MGAM2: variants seen among roughly 807,000 people sequenced by gnomAD.
MGAM2 encodes the protein maltase-glucoamylase 2 (putative), also known as probable maltase-glucoamylase 2.
In MGAM2, 98 loss-of-function variants were observed where a neutral mutation model predicts 96.1. That is an observed-to-expected ratio of 1.02 (90% CI 0.87 to 1.21). The LOEUF is 1.21. Among genes scored for constraint, MGAM2 ranks in the 50% most tolerant of loss-of-function variants. The pLI, the probability that MGAM2 is intolerant of heterozygous loss-of-function variation, is 0.00. For synonymous variants in MGAM2, 749 were observed against 414.8 expected, an observed-to-expected ratio of 1.81 and a Z score of -9.79; for missense variants, 2,055 against 1,182.4, an observed-to-expected ratio of 1.74 and a Z score of -10.82.
intron 35 of MGAM2, among the ~76,000 whole-genome samples, chr7:142,186,949 T>C (rs1215628251): frequency 7.7e-6 from 1 of 130,388 alleles, no homozygotes; most frequent in Non-Finnish European, 1.6e-5. Context: ...CTGATAGCTC[T>C]GGGGTAGTAT....
intron 37 of MGAM2, 29 bp from the exon 38 acceptor site, chr7:142,196,125 A>C (rs1386832558): frequency 1.1e-6 from 1 of 889,754 alleles, no homozygotes; most frequent in African/African-American, 1.7e-5. Flanking sequence ...TTGTTTCTTC[A>C]ACTCACCTCT....
intron 12 of MGAM2, among the ~76,000 whole-genome samples, chr7:142,141,689 G>A (rs775149557): frequency 3.3e-5 from 5 of 151,776 alleles, no homozygotes; most frequent in Non-Finnish European, 7.4e-5. Flanking sequence ...TAGTAGAGAC[G>A]GGGTTTCTCC....
chr7:142,119,622 A>G (rs771843470), intron 2 of MGAM2, among the ~76,000 whole-genome samples: 4 of 152,246 alleles, frequency 2.6e-5, no homozygotes, highest in Admixed American at 1.3e-4. Flanking sequence ...AGGATTATGT[A>G]TAATGGTCAA....
At chr7:142,124,692 G>A (rs1794688752) in intron 3 of MGAM2, among the ~76,000 whole-genome samples, 1 of 152,118 alleles carries the variant, frequency 6.6e-6, no homozygotes, top group African/African-American at 2.4e-5. Flanking sequence ...CTTTACAAGG[G>A]TGAATATTTC....
intron 13 of MGAM2, among the ~76,000 whole-genome samples, chr7:142,144,349 A>C (rs991913815): frequency 1.3e-5 from 2 of 152,200 alleles, no homozygotes; most frequent in Non-Finnish European, 2.9e-5. Flanking sequence ...CACTCTGATG[A>C]ATAAGATGTG....
chr7:142,184,553 T>C (rs139003909), intron 33 of MGAM2, among the ~76,000 whole-genome samples: 4 of 152,348 alleles, frequency 2.6e-5, no homozygotes, highest in Non-Finnish European at 5.9e-5. Context: ...TGTCTGTTGA[T>C]TGAATCAATT....
At chr7:142,215,550 C>T (rs1443776386) in intron 46 of MGAM2, among the ~76,000 whole-genome samples, 2 of 151,342 alleles carry the variant, frequency 1.3e-5, no homozygotes, top group African/African-American at 2.4e-5. Flanking sequence ...CACCTGAGGT[C>T]GGGAGTTTGA....
chr7:142,132,857 T>C (rs1794940517), intron 6 of MGAM2, among the ~76,000 whole-genome samples: 1 of 129,020 alleles, frequency 7.8e-6, no homozygotes, highest in South Asian at 2.3e-4. Context: ...TATATAGATA[T>C]TATATATTAA....
intron 15 of MGAM2, among the ~76,000 whole-genome samples, chr7:142,150,184 G>A (rs1441641747): frequency 6.6e-6 from 1 of 151,286 alleles, no homozygotes; most frequent in Non-Finnish European, 1.5e-5. Flanking sequence ...CTGGTGATCC[G>A]CCCACCTCGG....
chr7:142,215,304 G>T (rs1421425562), intron 46 of MGAM2, among the ~76,000 whole-genome samples: 1 of 152,090 alleles, frequency 6.6e-6, no homozygotes, highest in African/African-American at 2.4e-5. Flanking sequence ...CCTGTTGGGG[G>T]TGGAGGGCAA....
chr7:142,198,920 G>A (rs1042442811), intron 44 of MGAM2, among the ~76,000 whole-genome samples, 181 bp downstream of exon 44: 10 of 152,208 alleles, frequency 6.6e-5, no homozygotes, highest in African/African-American at 1.9e-4. Flanking sequence ...AGTTCATAAA[G>A]TTAGTCTTAG....
intron 3 of MGAM2, among the ~76,000 whole-genome samples, chr7:142,121,064 T>A (rs1287711487): frequency 6.6e-6 from 1 of 152,256 alleles, no homozygotes; most frequent in Non-Finnish European, 1.5e-5. Context: ...AGGACAGTAT[T>A]GAATTTTAGG....
At chr7:142,213,136 C>G (rs1182880377) in intron 46 of MGAM2, among the ~76,000 whole-genome samples, 1 of 152,018 alleles carries the variant, frequency 6.6e-6, no homozygotes, top group Non-Finnish European at 1.5e-5. Context: ...TTGAAACCAA[C>G]AAAAACAAAG....
intron 17 of MGAM2, among the ~76,000 whole-genome samples, chr7:142,155,242 C>A (rs530001687): frequency 3.9e-5 from 6 of 152,176 alleles, no homozygotes; most frequent in African/African-American, 1.4e-4. Context: ...GGCCAGTGAT[C>A]TCAACATTTC....
At chr7:142,137,600 T>C (rs1563254391) in intron 9 of MGAM2, 55 bp downstream of exon 9, 4 of 600,648 alleles carry the variant, frequency 6.7e-6, no homozygotes, top group Non-Finnish European at 1.2e-5. Flanking sequence ...CATATACTCA[T>C]TATAAATTAA....
At chr7:142,114,589 A>G (rs1817323131) in intron 1 of MGAM2, among the ~76,000 whole-genome samples, 1 of 152,242 alleles carries the variant, frequency 6.6e-6, no homozygotes, top group Non-Finnish European at 1.5e-5. Flanking sequence ...TATGAAGGAA[A>G]GATATTCAGA....
At chr7:142,153,267 T>C (rs1795638883) in intron 15 of MGAM2, among the ~76,000 whole-genome samples, 1 of 152,222 alleles carries the variant, frequency 6.6e-6, no homozygotes, top group Non-Finnish European at 1.5e-5. Flanking sequence ...CCCAAAGTGC[T>C]GGGATTATAG....
chr7:142,171,517 T>C (rs2129090370), intron 28 of MGAM2, 77 bp downstream of exon 28: 1 of 636,030 alleles, frequency 1.6e-6, no homozygotes, highest in Non-Finnish European at 2.9e-6. Context: ...TTATATATGA[T>C]ACCTTGCTCA....
Position 142,221,674 on chromosome 7 carries a change from C to G in MGAM2, c.7163C>G (p.Ala2388Gly). The change falls in exon 48 of 48, where the codon GCT becomes GGT. Residue 2388 changes from alanine (A) to glycine (G), a missense_variant. Coordinates refer to ENST00000477922, the MANE Select transcript of MGAM2 (RefSeq NM_001293626.2). ...TTCACCACACACATCACACAGTTCG[C>G]TACTCCCCATTCTGCTACTACTACA... ...DKFTTHITQF[A>G]TPHSATTTTL... The G allele has an allele frequency of 2.3e-6, 1 of 437,850 alleles. No homozygotes were observed. Among genetic ancestry groups the G allele is most frequent in the Non-Finnish European group, 4.0e-6 (1 of 249,198 alleles). The allele number at this position is 437,850 out of a possible 1,614,324, so 27.1% of individuals were successfully genotyped here. A position where few individuals can be genotyped will look rare whatever the true frequency, so the allele number is the denominator to read the frequency against.
Sources: allele counts gnomAD v4.1 joint callset (sites outside exome capture counted in the v4.1 genomes callset), GRCh38; gene constraint gnomAD v4.1.1; transcripts MANE v1.5; gene names NCBI Gene and HGNC (gene_info 2026-07-23, HGNC 2026-07-21).